The following POU2F2 variants were observed in gnomAD, a reference collection of about 807,000 sequenced individuals.
The protein encoded by POU2F2 is POU domain, class 2, transcription factor 2.
POU2F2 carries 14 observed loss-of-function variants against 63.5 expected under a neutral mutation model. The ratio of observed to expected loss-of-function variants is 0.22; its 90% CI spans 0.15 to 0.34. POU2F2 has a LOEUF of 0.34. Ranked by LOEUF, POU2F2 falls within the 10% of genes least tolerant of loss-of-function variation. The pLI, the probability that POU2F2 is intolerant of heterozygous loss-of-function variation, is 1.00. For missense variants in POU2F2, 607 were observed against 815.2 expected, an observed-to-expected ratio of 0.74 and a Z score of 3.11; for synonymous variants, 306 against 348.6, an observed-to-expected ratio of 0.88 and a Z score of 1.36.
At chr19:42,106,812 G>GAGGAGGAGA (rs2030131517) in intron 5 of POU2F2, among the ~76,000 whole-genome samples, 1 of 150,270 alleles carries the variant, frequency 6.7e-6, no homozygotes, top group Non-Finnish European at 1.5e-5. Context: ...GGAAGAGGAG[G>GAGGAGGAGA]AGGAGGAGAA....
At chr19:42,191,421 T>G (rs910623445) in intron 1 of POU2F2, among the ~76,000 whole-genome samples, 1 of 152,184 alleles carries the variant, frequency 6.6e-6, no homozygotes, top group African/African-American at 2.4e-5. Flanking sequence ...ACCAATCCTT[T>G]CCTCACTCCT....
Position 42,169,266 on chromosome 19 carries a change from T to C in POU2F2, c.-70+6697A>G, listed in dbSNP as rs929653881. On this transcript the variant is annotated intron_variant, in intron 1 of 6. Coordinates refer to the POU2F2 transcript ENST00000524801. This position sits in a 1 kb window ranked among gnomAD's most constrained non-coding sequence, Gnocchi z 4.3. The stretch of plus-strand genomic sequence containing the variant: ...TGTGGCCTGTGTGCACCCACAGGCA[T>C]ATAGGCTGGGATGCTGCCATGTTTT... Among the ~76,000 whole-genome samples, 1 of 152,230 alleles carries C rather than the reference T, an allele frequency of 6.6e-6. No homozygotes were observed. Among genetic ancestry groups the C allele is most frequent in the Non-Finnish European group, 1.5e-5 (1 of 68,028 alleles).
intron 2 of POU2F2, among the ~76,000 whole-genome samples, chr19:42,145,360 C>T (rs1458142943): frequency 6.6e-6 from 1 of 152,214 alleles, no homozygotes; most frequent in Non-Finnish European, 1.5e-5. Context: ...ACCACTCAGC[C>T]TCTCTGTGCC....
At chr19:42,140,219 C>T (rs1376882039) in intron 2 of POU2F2, among the ~76,000 whole-genome samples, 1 of 152,186 alleles carries the variant, frequency 6.6e-6, no homozygotes, top group Non-Finnish European at 1.5e-5. Context: ...AGCCCCCTTG[C>T]TGCTGCCCCC....
upstream of POU2F2, among the ~76,000 whole-genome samples, chr19:42,180,495 G>A (rs573642756): frequency 2.0e-5 from 3 of 152,254 alleles, no homozygotes; most frequent in South Asian, 4.2e-4. Flanking sequence ...CCATCTGTAC[G>A]TGTACAATAG....
At chr19:42,124,033 G>C (rs1313786096) in intron 1 of POU2F2, among the ~76,000 whole-genome samples, 2 of 152,168 alleles carry the variant, frequency 1.3e-5, no homozygotes, top group Non-Finnish European at 1.5e-5. Flanking sequence ...GCCAGGCACA[G>C]TGGTTCACGC....
rs185282438 is a variant in POU2F2 at position 42,144,663 on chromosome 19, C to T, written c.-9+15669G>A. ...AACAAGAGCAGCTACATGGCACCTG[C>T]TCTGTGCAGGCATATGTTATGTGTA... On this transcript the variant is annotated intron_variant, in intron 2 of 6. Transcript: ENST00000524801. Among the ~76,000 whole-genome samples, 5 of 152,378 alleles carry T rather than the reference C, an allele frequency of 3.3e-5. No individual in the cohort carries two copies. In the East Asian group the frequency reaches 9.6e-4, roughly 29 times the overall value.
intron 4 of POU2F2, among the ~76,000 whole-genome samples, chr19:42,121,135 C>T (rs1445725071): frequency 6.6e-6 from 1 of 152,140 alleles, no homozygotes; most frequent in African/African-American, 2.4e-5. Flanking sequence ...AGATCTGATT[C>T]AACTGAGGAC....
intron 2 of POU2F2, among the ~76,000 whole-genome samples, chr19:42,141,802 T>G (rs1195295): frequency 5.3e-5 from 8 of 152,100 alleles, no homozygotes; most frequent in South Asian, 2.1e-4. Context: ...AATCTTAAAT[T>G]TAATATTTGC....
At chr19:42,112,419 G>A (rs1888839791) in intron 5 of POU2F2, among the ~76,000 whole-genome samples, 1 of 152,084 alleles carries the variant, frequency 6.6e-6, no homozygotes, top group African/African-American at 2.4e-5. Context: ...GCCCAGGCTG[G>A]AGTGCAGTGG....
chr19:42,190,170 G>C (rs1323325702), intron 1 of POU2F2, among the ~76,000 whole-genome samples: 1 of 152,132 alleles, frequency 6.6e-6, no homozygotes, highest in Non-Finnish European at 1.5e-5. Flanking sequence ...GTCATGCTGG[G>C]ATGAGCAATA....
At chr19:42,104,422 C>A (rs1480665931) in intron 5 of POU2F2, among the ~76,000 whole-genome samples, 1 of 151,932 alleles carries the variant, frequency 6.6e-6, no homozygotes, top group Non-Finnish European at 1.5e-5. Flanking sequence ...CTATTCCCAG[C>A]AGCAAGTGGC....
chr19:42,148,990 G>A (rs1454391847), intron 2 of POU2F2, among the ~76,000 whole-genome samples: 3 of 151,608 alleles, frequency 2.0e-5, no homozygotes, highest in Admixed American at 6.6e-5. Context: ...ACCTGCCCAC[G>A]TCTGCAGCTT....
intron 1 of POU2F2, among the ~76,000 whole-genome samples, chr19:42,171,867 C>G (rs193113236): frequency 1.3e-5 from 2 of 151,428 alleles, no homozygotes; most frequent in Non-Finnish European, 1.5e-5. Context: ...ATAAAGGTCC[C>G]TGTGTGTGTG....
chr19:42,184,339 C>G (rs1318236715), intron 1 of POU2F2, among the ~76,000 whole-genome samples: 1 of 152,186 alleles, frequency 6.6e-6, no homozygotes, highest in African/African-American at 2.4e-5. Context: ...ACAGAAAGGT[C>G]TCCTTCCTGC....
upstream of POU2F2, among the ~76,000 whole-genome samples, chr19:42,178,174 G>A (rs1289013963): frequency 6.6e-6 from 1 of 151,870 alleles, no homozygotes; most frequent in East Asian, 1.9e-4. Context: ...GGAGCAGATG[G>A]GGACATAAAG....
chr19:42,190,324 T>A (rs2035062379), intron 1 of POU2F2, among the ~76,000 whole-genome samples: 1 of 152,104 alleles, frequency 6.6e-6, no homozygotes, highest in Admixed American at 6.6e-5. Flanking sequence ...TATATATATA[T>A]ATATGTTTGA....
chr19:42,111,694 A>G (rs1490639512), intron 5 of POU2F2, among the ~76,000 whole-genome samples: 7 of 152,120 alleles, frequency 4.6e-5, no homozygotes, highest in African/African-American at 1.4e-4. Flanking sequence ...TCCAATCAAT[A>G]CAAAATAGCA....
upstream of POU2F2, among the ~76,000 whole-genome samples, chr19:42,136,289 A>G (rs2034010646): frequency 6.8e-6 from 1 of 146,500 alleles, no homozygotes; most frequent in Non-Finnish European, 1.5e-5. Flanking sequence ...GGCTCATGCC[A>G]TCCTCCCACC....
Sources: allele counts gnomAD v4.1 joint callset (sites outside exome capture counted in the v4.1 genomes callset), GRCh38; gene constraint gnomAD v4.1.1; non-coding constraint Gnocchi (gnomAD v3.1); transcripts MANE v1.5; gene names NCBI Gene and HGNC (gene_info 2026-07-23, HGNC 2026-07-21).